APBA1: variants seen among roughly 807,000 people sequenced by gnomAD.
APBA1 encodes amyloid beta precursor protein binding family A member 1.
Under a neutral mutation model 86.6 loss-of-function variants are expected in APBA1, and 55 were observed. The observed-to-expected ratio is 0.64, with a 90% CI of 0.51 to 0.80. The LOEUF (loss-of-function observed/expected upper bound fraction) is 0.80. Ranked by LOEUF, APBA1 falls within the 30% of genes least tolerant of loss-of-function variation. The pLI, the probability that APBA1 is intolerant of heterozygous loss-of-function variation, is 0.00. For missense variants in APBA1, 1,090 were observed against 1,183.0 expected (o/e 0.92, Z 1.15); for synonymous variants, 511 against 493.9 (o/e 1.03, Z -0.46).
intron 1 of APBA1, among the ~76,000 whole-genome samples, chr9:69,544,181 C>A (rs73451468): frequency 0.027 from 4,160 of 152,290 alleles, 68 homozygotes; most frequent in African/African-American, 0.05. Flanking sequence ...ACAGTACCTG[C>A]ATATGTAAGG....
At chr9:69,611,762 A>G (rs1822593547) in intron 1 of APBA1, among the ~76,000 whole-genome samples, 1 of 152,192 alleles carries the variant, frequency 6.6e-6, no homozygotes, top group Non-Finnish European at 1.5e-5. Flanking sequence ...GGGTATGTGC[A>G]TTGTGTGTTC....
intron 1 of APBA1, among the ~76,000 whole-genome samples, chr9:69,519,854 A>T (rs951037496): frequency 2.6e-5 from 4 of 152,202 alleles, no homozygotes; most frequent in Admixed American, 6.5e-5. Flanking sequence ...GCCCTCTTAT[A>T]ACCCATGTAT....
At chr9:69,517,490 CCT>C (rs1836186856) in intron 1 of APBA1, among the ~76,000 whole-genome samples, 1 of 152,148 alleles carries the variant, frequency 6.6e-6, no homozygotes, top group Non-Finnish European at 1.5e-5. Flanking sequence ...TTGCTTATTG[CCT>C]TTCTCCGTTC....
intron 10 of APBA1, among the ~76,000 whole-genome samples, chr9:69,446,921 G>T (rs1834919322): frequency 6.6e-6 from 1 of 152,170 alleles, no homozygotes; most frequent in South Asian, 2.1e-4. Context: ...CCTTGTCTGA[G>T]TCTGTTCTTA....
rs181532826 is a variant in APBA1, at chr9:69,551,244, A to T, written c.-69-33965T>A. Among the ~76,000 whole-genome samples the T allele has an allele frequency of 8.5e-5, 13 of 152,326 alleles. No individual in the cohort carries two copies. The East Asian group carries it at 1.7e-3, about 20-fold the overall frequency. On this transcript the variant is annotated intron_variant, in intron 1 of 12. Transcript: ENST00000265381. Reference sequence around the variant, plus strand: ...AGCATATGTAGCTTCACAACTTAACATCAATATTTTAAAAAGTAAAATAAT... The same window carrying T: ...AGCATATGTAGCTTCACAACTTAACTTCAATATTTTAAAAAGTAAAATAAT...
chr9:69,533,530 T>C (rs996517302), intron 1 of APBA1, among the ~76,000 whole-genome samples: 6 of 152,214 alleles, frequency 3.9e-5, no homozygotes, highest in African/African-American at 1.4e-4. Flanking sequence ...TCTGTTCAGC[T>C]GCTGAAGGAA....
At chr9:69,496,591 C>T (rs1196442533) in intron 2 of APBA1, among the ~76,000 whole-genome samples, 1 of 152,056 alleles carries the variant, frequency 6.6e-6, no homozygotes, top group Non-Finnish European at 1.5e-5. Context: ...AGTCCGATTG[C>T]ACCTACTCTA....
At chr9:69,622,035 G>A (rs1357144111) in intron 1 of APBA1, among the ~76,000 whole-genome samples, 2 of 152,086 alleles carry the variant, frequency 1.3e-5, no homozygotes, top group Admixed American at 1.3e-4. Context: ...CAAACCTGAG[G>A]AGCATCAAAA....
At chr9:69,636,931 GAAAGAAAGAAAGAAA>G in intron 1 of APBA1, among the ~76,000 whole-genome samples, 1 of 133,970 alleles carries the variant, frequency 7.5e-6, no homozygotes, top group Non-Finnish European at 1.6e-5. Flanking sequence ...AGGAAAGAAA[GAAAGAAAGAAAGAAA>G]GAAAGAAAGA....
chr9:69,516,647 G>A lies in APBA1; in HGVS notation c.564C>T (p.Ala188=), dbSNP rs577453870. 1.4e-5 allele frequency: 22 copies of A among 1,609,012 alleles called. No individual in the cohort carries two copies. The highest frequency in any genetic ancestry group is 1.3e-4 in the East Asian group (6 of 44,778). Residue 188 remains alanine, a synonymous_variant, in exon 2 of 13, where the codon GCC becomes GCT. Transcript: ENST00000265381. The surrounding 1 kb of genome is among the most constrained non-coding windows in gnomAD (Gnocchi z 7.3). ...CGTGCTCCTGGAGGCCGCCGTAGTC[G>A]GCATAGGGCTCGGAGTAGGGCTCGT... is the stretch of plus-strand genomic sequence containing the variant. ...GEDEPYSEPY[A]DYGGLQEHVY...
intron 2 of APBA1, among the ~76,000 whole-genome samples, chr9:69,501,987 C>G (rs1588324205): frequency 6.6e-6 from 1 of 152,040 alleles, no homozygotes; most frequent in African/African-American, 2.4e-5. Context: ...CTAGCTAAAT[C>G]GTCCATTTAT....
chr9:69,454,302 G>C (rs1354422891), intron 8 of APBA1, among the ~76,000 whole-genome samples: 3 of 152,238 alleles, frequency 2.0e-5, no homozygotes, highest in African/African-American at 4.8e-5. Context: ...TTTGGCATCA[G>C]AGAGGTACAT....
intron 1 of APBA1, among the ~76,000 whole-genome samples, chr9:69,635,772 G>A (rs1390203090): frequency 6.6e-6 from 1 of 152,090 alleles, no homozygotes; most frequent in Admixed American, 6.5e-5. Context: ...ATGATAAAGG[G>A]GTCAATTCAG....
At chr9:69,493,791 G>A (rs746723522) in intron 2 of APBA1, among the ~76,000 whole-genome samples, 2 of 152,092 alleles carry the variant, frequency 1.3e-5, no homozygotes, top group Non-Finnish European at 2.9e-5. Flanking sequence ...GAGTGGGTCT[G>A]AACACACGCA....
At chr9:69,574,008 A>G (rs1256620909) in intron 1 of APBA1, among the ~76,000 whole-genome samples, 1 of 152,256 alleles carries the variant, frequency 6.6e-6, no homozygotes, top group Non-Finnish European at 1.5e-5. Flanking sequence ...TTGGTGATAC[A>G]CAAACATTTT....
chr9:69,511,415 A>G (rs1440561356), intron 2 of APBA1, among the ~76,000 whole-genome samples: 1 of 152,224 alleles, frequency 6.6e-6, no homozygotes, highest in African/African-American at 2.4e-5. Context: ...CTAAAAAGTC[A>G]GGAAACAACA....
At chr9:69,433,678 T>C (rs1834644431) in intron 11 of APBA1, among the ~76,000 whole-genome samples, 1 of 152,144 alleles carries the variant, frequency 6.6e-6, no homozygotes, top group South Asian at 2.1e-4. Flanking sequence ...CCTCTCCTAA[T>C]AGGCAAATTA....
intron 2 of APBA1, among the ~76,000 whole-genome samples, chr9:69,485,508 A>G (rs1470545590): frequency 2.0e-5 from 3 of 152,118 alleles, no homozygotes; most frequent in Non-Finnish European, 1.5e-5. Context: ...AAGTAAAATT[A>G]TTGTCACATA....
At chr9:69,525,761 C>A (rs1421426111) in intron 1 of APBA1, among the ~76,000 whole-genome samples, 1 of 152,042 alleles carries the variant, frequency 6.6e-6, no homozygotes, top group African/African-American at 2.4e-5. Context: ...GCCTGAATAG[C>A]AATCCTAAGC....
Sources: allele counts gnomAD v4.1 joint callset (sites outside exome capture counted in the v4.1 genomes callset), GRCh38; gene constraint gnomAD v4.1.1; non-coding constraint Gnocchi (gnomAD v3.1); transcripts MANE v1.5; gene names NCBI Gene and HGNC (gene_info 2026-07-23, HGNC 2026-07-21).